Variants in GALNT11 observed in about 807,000 individuals in gnomAD.
GALNT11 encodes the protein UDP-GalNAc:polypeptide N-acetylgalactosaminyltransferase 11.
A neutral mutation model predicts 72.7 loss-of-function variants in GALNT11; 47 were observed. That is an observed-to-expected ratio of 0.65 (90% CI 0.51 to 0.82). GALNT11 has a LOEUF of 0.82. Among genes scored for constraint, GALNT11 ranks in the 40% least tolerant of loss-of-function variants. The pLI, the probability that GALNT11 is intolerant of heterozygous loss-of-function variation, is 0.00. For synonymous variants in GALNT11, 270 were observed against 286.6 expected, an observed-to-expected ratio of 0.94 and a Z score of 0.58; for missense variants, 677 against 778.4, an observed-to-expected ratio of 0.87 and a Z score of 1.55.
chr7:152,069,719 C>T (rs1440889203), intron 1 of GALNT11, among the ~76,000 whole-genome samples: 1 of 152,174 alleles, frequency 6.6e-6, no homozygotes. Context: ...TACAATTACT[C>T]CAGCTTTCTT....
Position 152,108,222 on chromosome 7 carries a change from C to T in GALNT11, c.897C>T (p.His299=). 6.8e-6 allele frequency: 11 copies of T among 1,614,142 alleles called. No individual in the cohort carries two copies. Among genetic ancestry groups the T allele is most frequent in the Non-Finnish European group, 8.5e-6 (10 of 1,179,988 alleles). The change falls in exon 6 of 12, where the codon CAC becomes CAT. Residue 299 remains histidine, a synonymous_variant. Transcript: ENST00000430044. The part of the protein sequence containing the change: ...VVRGGFNWGL[H]FKWDLVPLSE... ...GCGGAGGGTTCAACTGGGGACTGCACTTCAAATGGGATCTTGTCCCCCTTT... is the reference window on the plus strand; with the variant it reads ...GCGGAGGGTTCAACTGGGGACTGCATTTCAAATGGGATCTTGTCCCCCTTT...
chr7:152,027,293 G>A (rs2151971945), intron 1 of GALNT11, among the ~76,000 whole-genome samples: 1 of 152,316 alleles, frequency 6.6e-6, no homozygotes, highest in Middle Eastern at 3.4e-3. Flanking sequence ...GTAGGCATAT[G>A]TATTTATAGG....
At chr7:152,108,544 A>T (rs1246368456) in intron 6 of GALNT11, among the ~76,000 whole-genome samples, 1 of 152,238 alleles carries the variant, frequency 6.6e-6, no homozygotes, top group Non-Finnish European at 1.5e-5. Context: ...CCACCATTGC[A>T]GAGGAAGCCC....
At chr7:152,030,625 T>A (rs1396071406) in intron 1 of GALNT11, among the ~76,000 whole-genome samples, 1 of 152,162 alleles carries the variant, frequency 6.6e-6, no homozygotes, top group East Asian at 1.9e-4. Flanking sequence ...CTTTACTACT[T>A]CTATCTCTCT....
chr7:152,084,659 CATT>C (rs1359560790), intron 1 of GALNT11, among the ~76,000 whole-genome samples: 1 of 152,152 alleles, frequency 6.6e-6, no homozygotes, highest in Non-Finnish European at 1.5e-5. Flanking sequence ...TCTGCTCACA[CATT>C]ATACTCTTCT....
chr7:152,100,217 A>T lies in GALNT11; in HGVS notation c.296-581A>T, dbSNP rs1008029029. Among the ~76,000 whole-genome samples, 40 of 151,992 alleles carry T rather than the reference A, an allele frequency of 2.6e-4. 1 individual carries two copies. Among genetic ancestry groups the T allele is most frequent in the East Asian group, 1.9e-4 (1 of 5,156 alleles). ...ATTGCTTTAATGGAAAATTATAAAA[A>T]TTTTTTTCCTGGTTGCAGGTAAATT... On this transcript the variant is annotated intron_variant, in intron 2 of 11. Coordinates refer to ENST00000430044, the MANE Select transcript of GALNT11 (RefSeq NM_022087.4).
rs1288442071 is a variant in GALNT11, at chr7:152,122,227, CTATAT to C, written c.*554_*558del. 6.6e-6 allele frequency: 1 copy of C among 151,526 alleles called. No individual in the cohort carries two copies. The highest frequency in any genetic ancestry group is 6.6e-5 in the Admixed American group (1 of 15,218). The allele number at this position is 151,526 out of a possible 1,614,324, so 9.4% of individuals were successfully genotyped here. On this transcript the variant is annotated 3_prime_UTR_variant, in exon 12 of 12. Transcript: ENST00000430044. ...AGTAGATCATTTTAAAAAACTGAAT[CTATAT>C]TATGTTTAACTTCAGAAGGCATCAT...
intron 1 of GALNT11, among the ~76,000 whole-genome samples, chr7:152,074,809 C>G (rs1446952908): frequency 6.6e-6 from 1 of 152,158 alleles, no homozygotes; most frequent in Non-Finnish European, 1.5e-5. Flanking sequence ...TATTCCTGCC[C>G]TATTTCCTTG....
At chr7:152,043,519 A>G (rs2082970288) in intron 1 of GALNT11, among the ~76,000 whole-genome samples, 1 of 152,110 alleles carries the variant, frequency 6.6e-6, no homozygotes. Flanking sequence ...AAATGTAGCT[A>G]TAATATTTCC....
chr7:152,025,729 C>A lies in GALNT11; in HGVS notation c.-194C>A, dbSNP rs959327919. 7 of 151,976 alleles carry A rather than the reference C, an allele frequency of 4.6e-5. No individual in the cohort carries two copies. Among genetic ancestry groups the A allele is most frequent in the Admixed American group, 2.0e-4 (3 of 15,148 alleles). 9.4% of individuals were successfully genotyped at this position (151,976 alleles called of 1,614,324 possible). A position where few individuals can be genotyped will look rare whatever the true frequency, so the allele number is the denominator to read the frequency against. Reference sequence around the variant, plus strand: ...GGCCCTGGGCCTGAGGAGGCGCGGCCGCCACTGCGCCCAGCGCCTGCGCGA... The same window carrying A: ...GGCCCTGGGCCTGAGGAGGCGCGGCAGCCACTGCGCCCAGCGCCTGCGCGA... On this transcript the variant is annotated 5_prime_UTR_variant, in exon 1 of 12. Transcript: ENST00000430044.
At chr7:152,026,938 A>G (rs2082045111) in intron 1 of GALNT11, among the ~76,000 whole-genome samples, 1 of 152,248 alleles carries the variant, frequency 6.6e-6, no homozygotes, top group Non-Finnish European at 1.5e-5. Flanking sequence ...CATTTCGCTC[A>G]GAATAAATCT....
chr7:152,108,252 G>T lies in GALNT11; in HGVS notation c.927G>T (p.Glu309Asp). ...AATGGGATCTTGTCCCCCTTTCTGA[G>T]CTAGGACGAGCGGAGGGAGCCACTG... ...HFKWDLVPLS[E>D]LGRAEGATAP... The change falls in exon 6 of 12, where the codon GAG becomes GAT. Residue 309 changes from glutamate to aspartate, a missense_variant. Coordinates refer to ENST00000430044, the MANE Select transcript of GALNT11 (RefSeq NM_022087.4). 6.2e-7 allele frequency: 1 copy of T among 1,613,470 alleles called. No homozygotes were observed. Among genetic ancestry groups the T allele is most frequent in the South Asian group, 1.1e-5 (1 of 91,072 alleles).
chr7:152,067,433 C>A (rs1250623769), intron 1 of GALNT11, among the ~76,000 whole-genome samples: 1 of 152,154 alleles, frequency 6.6e-6, no homozygotes, highest in Non-Finnish European at 1.5e-5. Flanking sequence ...TCATTTATTT[C>A]TCTCAGTTTG....
intron 1 of GALNT11, among the ~76,000 whole-genome samples, chr7:152,091,616 G>T (rs1196209237): frequency 6.6e-6 from 1 of 152,168 alleles, no homozygotes; most frequent in Non-Finnish European, 1.5e-5. Context: ...AACCTCAGGT[G>T]ATCTGCCCAC....
Position 152,108,167 on chromosome 7 carries a change from C to A in GALNT11, c.842C>A (p.Thr281Lys). 1 of 1,614,136 alleles carries A rather than the reference C, an allele frequency of 6.2e-7. No homozygotes were observed. The highest frequency in any genetic ancestry group is 8.5e-7 in the Non-Finnish European group (1 of 1,180,030). ...GTGATTGACATCATCAGCGCCGACA[C>A]GCTGGCCTACAGCTCGTCCCCTGTC... ...CPVIDIISAD[T>K]LAYSSSPVVR... Residue 281 changes from threonine (T) to lysine (K), a missense_variant, in exon 6 of 12, where the codon ACG becomes AAG. Transcript: ENST00000430044.
At chr7:152,093,957 A>C in intron 1 of GALNT11, 1 of 361,872 alleles carries the variant, frequency 2.8e-6, no homozygotes, top group Non-Finnish European at 4.9e-6. Flanking sequence ...CAAATGAATC[A>C]GTCAGCTATT....
chr7:152,112,695 G>A (rs148231910), intron 7 of GALNT11, among the ~76,000 whole-genome samples: 14 of 152,014 alleles, frequency 9.2e-5, no homozygotes, highest in African/African-American at 2.9e-4. Flanking sequence ...CCACAAAAAC[G>A]AACTTAACTC....
intron 1 of GALNT11, among the ~76,000 whole-genome samples, chr7:152,051,199 G>GTTTT (rs35668155): frequency 1.1e-4 from 5 of 46,806 alleles, no homozygotes; most frequent in Non-Finnish European, 1.5e-4. Context: ...ATATCTGGTT[G>GTTTT]TTTTTTTTTT....
intron 1 of GALNT11, among the ~76,000 whole-genome samples, chr7:152,062,677 G>A (rs2084087399): frequency 6.6e-6 from 1 of 152,080 alleles, no homozygotes. Context: ...TAGCATGGAG[G>A]GCTGTTGAAT....
Sources: allele counts gnomAD v4.1 joint callset (sites outside exome capture counted in the v4.1 genomes callset), GRCh38; gene constraint gnomAD v4.1.1; transcripts MANE v1.5; gene names NCBI Gene and HGNC (gene_info 2026-07-23, HGNC 2026-07-21).